ASMT: variants seen among roughly 807,000 people sequenced by gnomAD.
The protein encoded by ASMT is acetylserotonin N-methyltransferase.
In ASMT, 53 loss-of-function variants were observed where a neutral mutation model predicts 41.3. The ratio of observed to expected loss-of-function variants is 1.28; its 90% CI spans 1.03 to 1.61. ASMT has a LOEUF of 1.61. Among genes scored for constraint, ASMT ranks in the 40% most tolerant of loss-of-function variants. ASMT has a pLI of 0.00. For missense variants in ASMT, 531 were observed against 441.3 expected (o/e 1.20, Z -1.82); for synonymous variants, 231 against 184.8 (o/e 1.25, Z -2.03).
intron 5 of ASMT, among the ~76,000 whole-genome samples, chrX:1,631,189 C>T (rs1934764829): frequency 6.6e-6 from 1 of 151,766 alleles, no homozygotes; most frequent in South Asian, 2.1e-4. Context: ...GCCAGGATTG[C>T]AGGCATGAGC....
At chrX:1,620,728 A>C (rs1569370934) in intron 1 of ASMT, among the ~76,000 whole-genome samples, 1 of 152,056 alleles carries the variant, frequency 6.6e-6, no homozygotes, top group Non-Finnish European at 1.5e-5. Flanking sequence ...CTCTACTAAA[A>C]ATACAAAAAA....
chrX:1,630,061 T>C lies in ASMT; in HGVS notation c.562+122T>C, dbSNP rs1490259278. 3.3e-6 allele frequency: 3 copies of C among 919,762 alleles called. No homozygotes were observed. In the East Asian group the frequency reaches 7.2e-5, roughly 22 times the overall value. The allele number at this position is 919,762 out of a possible 1,614,324, so 57.0% of individuals were successfully genotyped here. On this transcript the variant is annotated intron_variant, in intron 5 of 8. Coordinates refer to ENST00000381241, the MANE Select transcript of ASMT (RefSeq NM_001171038.2). The stretch of plus-strand genomic sequence containing the variant: ...TTGACATGTGCGGCCTTACTGGTCT[T>C]AGAGGAATCATTCCTCCCAGCACTG...
intron 8 of ASMT, among the ~76,000 whole-genome samples, chrX:1,640,574 C>A (rs1287903669): frequency 2.1e-5 from 1 of 47,392 alleles, no homozygotes; most frequent in Non-Finnish European, 3.5e-5. Context: ...TGAGATCCAT[C>A]CATCCTGATG....
At chrX:1,620,321 A>G (rs749487615) in intron 1 of ASMT, among the ~76,000 whole-genome samples, 112 of 151,190 alleles carry the variant, frequency 7.4e-4, no homozygotes, top group African/African-American at 2.6e-3. Flanking sequence ...ACAGGCGTGC[A>G]CCACCATGCC....
At chrX:1,620,696 C>T (rs1470729396) in intron 1 of ASMT, among the ~76,000 whole-genome samples, 4 of 151,718 alleles carry the variant, frequency 2.6e-5, no homozygotes, top group Non-Finnish European at 5.9e-5. Flanking sequence ...GTCAGGAGAT[C>T]GAGACCATGG....
Position 1,636,573 on chromosome X carries a change from G to T in ASMT, c.910+13G>T, listed in dbSNP as rs1281791340. 1.2e-6 allele frequency: 2 copies of T among 1,613,848 alleles called. No individual in the cohort carries two copies. Among genetic ancestry groups the T allele is most frequent in the Non-Finnish European group, 1.7e-6 (2 of 1,179,830 alleles). On this transcript the variant is annotated intron_variant, in intron 8 of 8. Transcript: ENST00000381241. Reference sequence around the variant, plus strand: ...ACTTGCAAGCCAGGTAAGTTGTGGGGTTTGCATTTCAGCGTGTGCTTGTGA... The same window carrying T: ...ACTTGCAAGCCAGGTAAGTTGTGGGTTTTGCATTTCAGCGTGTGCTTGTGA...
intron 7 of ASMT, among the ~76,000 whole-genome samples, chrX:1,633,870 C>T (rs1165474371): frequency 2.0e-5 from 3 of 152,102 alleles, no homozygotes; most frequent in African/African-American, 7.2e-5. Context: ...GATCTCCTGA[C>T]CGCGTGATCC....
At chrX:1,635,223 A>T (rs1934917717) in intron 7 of ASMT, among the ~76,000 whole-genome samples, 1 of 143,096 alleles carries the variant, frequency 7.0e-6, no homozygotes, top group African/African-American at 2.6e-5. Context: ...TGATCTCGTG[A>T]TCTGCCCCGC....
In ASMT at chrX:1,631,804, C is replaced by T. The variant is rs747653303; in HGVS notation, c.563-900C>T. On this transcript the variant is annotated intron_variant, in intron 5 of 8. Coordinates refer to ENST00000381241, the MANE Select transcript of ASMT (RefSeq NM_001171038.2). ...GTGGCTCATGCCTGTAATCCCAGCA[C>T]TTTGGGAGGCTGAGGCGGGCGGATC... 2.6e-5 allele frequency among the ~76,000 whole-genome samples: 4 copies of T among 152,180 alleles called. No homozygotes were observed. In the South Asian group the frequency reaches 8.3e-4, roughly 32 times the overall value.
intron 3 of ASMT, among the ~76,000 whole-genome samples, chrX:1,625,528 A>AGAAG (rs571574132): frequency 0.4 from 39,307 of 98,240 alleles, 8,677 homozygotes; most frequent in East Asian, 0.58. Context: ...GAGAGAGGGG[A>AGAAG]GAAGGAAGGA....
chrX:1,625,566 G>GAAAGGGGGGGAGGGAGGGAGGA (rs1934507033), intron 3 of ASMT, among the ~76,000 whole-genome samples: 1 of 127,042 alleles, frequency 7.9e-6, no homozygotes, highest in Non-Finnish European at 1.7e-5. Context: ...GGGAGGGAGG[G>GAAAGGGGGGGAGGGAGGGAGGA]AGGGAAAGAA....
At chrX:1,630,300 ATT>A (rs36011956) in intron 5 of ASMT, among the ~76,000 whole-genome samples, 7 of 71,096 alleles carry the variant, frequency 9.8e-5, no homozygotes, top group African/African-American at 4.1e-4. Context: ...CACCAGGCTA[ATT>A]TTTTTTTTTT....
intron 1 of ASMT, among the ~76,000 whole-genome samples, chrX:1,615,685 C>G (rs1222592210): frequency 1.3e-5 from 2 of 151,844 alleles, no homozygotes; most frequent in East Asian, 1.9e-4. Context: ...GCCTATAATC[C>G]CAGCTACTTG....
chrX:1,631,163 C>A (rs1294593535), intron 5 of ASMT, among the ~76,000 whole-genome samples: 2 of 151,802 alleles, frequency 1.3e-5, no homozygotes, highest in Non-Finnish European at 2.9e-5. Flanking sequence ...ATCCACCCGC[C>A]TCCGCCTCCC....
intron 5 of ASMT, among the ~76,000 whole-genome samples, chrX:1,631,225 T>C (rs1170995146): frequency 6.6e-6 from 1 of 151,876 alleles, no homozygotes; most frequent in African/African-American, 2.4e-5. Flanking sequence ...ATTTTCAAAC[T>C]TTTTTGTAGA....
chrX:1,636,845 A>G (rs753907132), intron 8 of ASMT, among the ~76,000 whole-genome samples: 34 of 152,338 alleles, frequency 2.2e-4, no homozygotes, highest in African/African-American at 5.5e-4. Context: ...GTGTGTGATG[A>G]GGACAGTGCC....
intron 3 of ASMT, among the ~76,000 whole-genome samples, chrX:1,626,234 CTT>C (rs34658281): frequency 0.2 from 25,633 of 127,104 alleles, 2,305 homozygotes; most frequent in African/African-American, 0.24. Context: ...TTTTTATTTC[CTT>C]TTTTTTTTTT....
rs369816599 is a variant in ASMT at position 1,623,323 on chromosome X, C to T, written c.244+10C>T. The T allele has an allele frequency of 6.1e-5, 98 of 1,613,788 alleles. No homozygotes were observed. Among genetic ancestry groups the T allele is most frequent in the Middle Eastern group, 1.6e-4 (1 of 6,062 alleles). The stretch of plus-strand genomic sequence containing the variant: ...ACGAGGGGAGGAAAAGGTGAGGACA[C>T]GGGCGTTTTGAAGGAGGCATTTTAC... On this transcript the variant is annotated intron_variant, in intron 2 of 8. Coordinates refer to ENST00000381241, the MANE Select transcript of ASMT (RefSeq NM_001171038.2).
chrX:1,619,094 A>T (rs764222759), intron 1 of ASMT, among the ~76,000 whole-genome samples: 1 of 152,190 alleles, frequency 6.6e-6, no homozygotes, highest in African/African-American at 2.4e-5. Context: ...CCTTAAGAAG[A>T]TAACATTTAG....
Sources: allele counts gnomAD v4.1 joint callset (sites outside exome capture counted in the v4.1 genomes callset), GRCh38; gene constraint gnomAD v4.1.1; transcripts MANE v1.5; gene names NCBI Gene and HGNC (gene_info 2026-07-23, HGNC 2026-07-21).